The following FBXO5 variants were observed in gnomAD, a reference collection of about 807,000 sequenced individuals.
FBXO5 encodes F-box protein 5.
Under a neutral mutation model 43.3 loss-of-function variants are expected in FBXO5, and 8 were observed. The observed-to-expected ratio is 0.18, with a 90% confidence interval of 0.11 to 0.33. FBXO5 has a LOEUF of 0.33. FBXO5 is among the 10% of genes least tolerant of loss of function. The probability of loss-of-function intolerance (pLI) is 1.00; values close to 1 mark genes in which losing one functional copy is unlikely to be tolerated. For missense variants in FBXO5, 491 were observed against 535.7 expected (o/e 0.92, Z 0.82); for synonymous variants, 204 against 193.7 (o/e 1.05, Z -0.44).
chr6:152,971,605 T>G (rs190551994), intron 4 of FBXO5, among the ~76,000 whole-genome samples, 191 bp from the exon 5 acceptor site: 1 of 152,306 alleles, frequency 6.6e-6, no homozygotes, highest in East Asian at 1.9e-4. Context: ...ATAAATGCTT[T>G]TTGAATAAAT....
chr6:152,978,377 T>TTGGGGG (rs1491205604), intron 1 of FBXO5, among the ~76,000 whole-genome samples: 3 of 21,128 alleles, frequency 1.4e-4, no homozygotes, highest in African/African-American at 2.0e-4. Context: ...CTTCATTTTT[T>TTGGGGG]GGGGGGGGGG....
In FBXO5 at chr6:152,975,115, T is replaced by A. The variant is rs1584079241; in HGVS notation, c.610A>T (p.Thr204Ser). ...VLHFEKVVCS[T>S]LKKNAKRNPK... ...TTTCGTTTTGCATTCTTTTTTAATG[T>A]TGAACAAACCACTTTTTCAAAATGA... The change falls in exon 2 of 5, where the codon ACA becomes TCA. Residue 204 changes from threonine (T) to serine (S), a missense_variant. Coordinates refer to ENST00000229758, the MANE Select transcript of FBXO5 (RefSeq NM_012177.5). 6.2e-7 allele frequency: 1 copy of A among 1,614,116 alleles called. No homozygotes were observed. Among genetic ancestry groups the A allele is most frequent in the South Asian group, 1.1e-5 (1 of 91,090 alleles).
Position 152,971,166 on chromosome 6 carries a change from C to T in FBXO5, c.1341G>A (p.Leu447=). 11 of 1,604,624 alleles carry T rather than the reference C, an allele frequency of 6.9e-6. No individual in the cohort carries two copies. The highest frequency in any genetic ancestry group is 9.3e-6 in the Non-Finnish European group (11 of 1,177,002). Residue 447 remains leucine, a synonymous_variant, in exon 5 of 5, where the codon TTG becomes TTA. Coordinates refer to ENST00000229758, the MANE Select transcript of FBXO5 (RefSeq NM_012177.5). ...TKKSKKNLRR[L] ...TAACAATTGATTTAATAAGAGATCA[C>T]AATCTTCGTAAATTCTTTTTGCTTT...
intron 1 of FBXO5, 152 bp downstream of exon 1, chr6:152,982,705 C>T (rs556210043): frequency 3.3e-4 from 169 of 504,972 alleles, no homozygotes; most frequent in African/African-American, 3.1e-3. Flanking sequence ...CCTCCCGGAC[C>T]CAGGAACCGC....
Position 152,970,954 on chromosome 6 carries a change from G to T in FBXO5, c.*209C>A. On this transcript the variant is annotated 3_prime_UTR_variant, in exon 5 of 5. Coordinates refer to ENST00000229758, the MANE Select transcript of FBXO5 (RefSeq NM_012177.5). The stretch of plus-strand genomic sequence containing the variant: ...TTAAAATATTTAAATTGTTTGATTT[G>T]TATTGAGAATTTTAAACTTTTTCTC... 4.7e-6 allele frequency: 2 copies of T among 429,832 alleles called. No homozygotes were observed. The highest frequency in any genetic ancestry group is 1.2e-4 in the South Asian group (2 of 17,156). The allele number at this position is 429,832 out of a possible 1,614,324, so 26.6% of individuals were successfully genotyped here. A position where few individuals can be genotyped will look rare whatever the true frequency, so the allele number is the denominator to read the frequency against.
chr6:152,982,921 G>C lies in FBXO5; in HGVS notation c.39C>G (p.Pro13=), dbSNP rs1444745841. The C allele has an allele frequency of 6.8e-7, 1 of 1,469,280 alleles. No individual in the cohort carries two copies. Among genetic ancestry groups the C allele is most frequent in the Non-Finnish European group, 8.9e-7 (1 of 1,118,058 alleles). The allele number at this position is 1,469,280 out of a possible 1,614,324, so 91.0% of individuals were successfully genotyped here. ...RRPCSCALRP[P]RCSCSASPSA... ...TGGGGCTGGCGCTGCAGGAGCAGCG[G>C]GGTGGCCGTAGGGCGCAGCTGCAGG... Residue 13 remains proline (P), a synonymous_variant, in exon 1 of 5, where the codon CCC becomes CCG. Transcript: ENST00000229758.
chr6:152,981,813 T>C (rs944332818), intron 1 of FBXO5, among the ~76,000 whole-genome samples: 15 of 152,130 alleles, frequency 9.9e-5, no homozygotes, highest in Non-Finnish European at 2.2e-4. Flanking sequence ...CATTACAAAA[T>C]AGTACAATGC....
At chr6:152,982,750 G>T in intron 1 of FBXO5, 107 bp downstream of exon 1, 2 of 740,034 alleles carry the variant, frequency 2.7e-6, no homozygotes, top group Non-Finnish European at 3.9e-6. Context: ...TGGCATGGCC[G>T]CGCGTCCAGG....
chr6:152,982,173 T>A (rs928030754), intron 1 of FBXO5, among the ~76,000 whole-genome samples: 11 of 152,178 alleles, frequency 7.2e-5, no homozygotes, highest in African/African-American at 2.2e-4. Context: ...ATGTCCCAGT[T>A]GAGTTTGGTC....
rs1372484580 is a variant in FBXO5, at chr6:152,972,291, C to T, written c.1073G>A (p.Arg358Gln). Residue 358 changes from arginine to glutamine, a missense_variant, in exon 4 of 5, where the codon CGA becomes CAA. Transcript: ENST00000229758. The part of the protein sequence containing the change: ...QGDQKGSTYS[R>Q]HNEFSEVAKT... ...AATTACCTCAGAGAATTCATTGTGT[C>T]GACTATAAGTAGAACCTTTCTGATC... 3.1e-6 allele frequency: 5 copies of T among 1,607,872 alleles called. No individual in the cohort carries two copies. Among genetic ancestry groups the T allele is most frequent in the Middle Eastern group, 1.7e-4 (1 of 6,052 alleles).
chr6:152,971,102 G>T lies in FBXO5; in HGVS notation c.*61C>A. 3 of 1,482,580 alleles carry T rather than the reference G, an allele frequency of 2.0e-6. No homozygotes were observed. The highest frequency in any genetic ancestry group is 1.4e-5 in the African/African-American group (1 of 70,594). The allele number at this position is 1,482,580 out of a possible 1,614,324, so 91.8% of individuals were successfully genotyped here. A position where few individuals can be genotyped will look rare whatever the true frequency, so the allele number is the denominator to read the frequency against. On this transcript the variant is annotated 3_prime_UTR_variant, in exon 5 of 5. Coordinates refer to ENST00000229758, the MANE Select transcript of FBXO5 (RefSeq NM_012177.5). ...AAAATCACAATACAATTTTTTTTAA[G>T]TTAAAACCTAACATTTTCTAACTAA...
rs984180205 is a variant in FBXO5 at position 152,971,074 on chromosome 6, T to C, written c.*89A>G. The C allele has an allele frequency of 5.2e-6, 7 of 1,354,400 alleles. No individual in the cohort carries two copies. The highest frequency in any genetic ancestry group is 3.1e-5 in the South Asian group (2 of 64,722). The allele number at this position is 1,354,400 out of a possible 1,614,324, so 83.9% of individuals were successfully genotyped here. ...ATACTACACCGATTTCAACATAAAA[T>C]TGAAAATCACAATACAATTTTTTTT... is the stretch of plus-strand genomic sequence containing the variant. On this transcript the variant is annotated 3_prime_UTR_variant, in exon 5 of 5. Coordinates refer to ENST00000229758, the MANE Select transcript of FBXO5 (RefSeq NM_012177.5).
intron 1 of FBXO5, among the ~76,000 whole-genome samples, chr6:152,979,170 C>T (rs1315924277): frequency 1.3e-5 from 2 of 152,146 alleles, no homozygotes; most frequent in Non-Finnish European, 2.9e-5. Context: ...GCATTATTAA[C>T]TAAAATCCCT....
At chr6:152,983,162 C>A (rs1778294543), upstream of FBXO5, 2 of 400,640 alleles carry the variant, frequency 5.0e-6, no homozygotes, top group East Asian at 3.6e-5. Context: ...GGTGGGGGCG[C>A]CCTCGTCCGC....
intron 1 of FBXO5, among the ~76,000 whole-genome samples, chr6:152,975,898 C>A (rs1315077751): frequency 1.3e-5 from 2 of 152,138 alleles, no homozygotes; most frequent in Non-Finnish European, 2.9e-5. Flanking sequence ...GGCTGTAACA[C>A]CTGACTGTTG....
intron 1 of FBXO5, among the ~76,000 whole-genome samples, chr6:152,978,388 G>T (rs868569959): frequency 8.3e-5 from 4 of 48,460 alleles, no homozygotes; most frequent in Admixed American, 2.0e-4. Context: ...GGGGGGGGGG[G>T]GGGGGCGGGG....
rs749895951 is a variant in FBXO5 at position 152,975,099 on chromosome 6, G to T, written c.626C>A (p.Ala209Glu). The T allele has an allele frequency of 6.2e-7, 1 of 1,614,128 alleles. No homozygotes were observed. Among genetic ancestry groups the T allele is most frequent in the South Asian group, 1.1e-5 (1 of 91,072 alleles). Residue 209 changes from alanine (A) to glutamate (E), a missense_variant, in exon 2 of 5, where the codon GCA becomes GAA. Ala to Glu is a moderately radical substitution (Grantham distance 107). Transcript: ENST00000229758. ...CCGATCTACTTTAGGATTTCGTTTT[G>T]CATTCTTTTTTAATGTTGAACAAAC... ...KVVCSTLKKN[A>E]KRNPKVDREM...
intron 1 of FBXO5, among the ~76,000 whole-genome samples, chr6:152,981,535 G>C (rs893302300): frequency 6.6e-6 from 1 of 151,878 alleles, no homozygotes; most frequent in African/African-American, 2.4e-5. Flanking sequence ...AAAACTACTT[G>C]GAAGTAACAT....
Position 152,971,264 on chromosome 6 carries a change from T to A in FBXO5, c.1243A>T (p.Thr415Ser). Residue 415 changes from threonine to serine, a missense_variant, in exon 5 of 5, where the codon ACT (threonine) becomes TCT (serine). Transcript: ENST00000229758. Reference protein sequence around the residue: ...YCTKCLCNYHTTKDCSDGKLL... With the variant: ...YCTKCLCNYHSTKDCSDGKLL... ...TTGCCATCTGAACAGTCTTTAGTAG[T>A]ATGATAATTACAGAGACACTTCGTA... 1.9e-6 allele frequency: 3 copies of A among 1,614,076 alleles called. No individual in the cohort carries two copies.
Sources: gnomAD v4.1 joint callset for allele counts (sites outside exome capture counted in the v4.1 genomes callset) on GRCh38, gnomAD v4.1.1 for gene constraint, MANE v1.5 for transcripts, NCBI Gene and HGNC (gene_info 2026-07-23, HGNC 2026-07-21) for gene names.